Variants in PDILT observed in about 807,000 individuals in gnomAD.
PDILT encodes the protein protein disulfide isomerase like, testis expressed.
PDILT carries 43 observed loss-of-function variants against 53.7 expected under a neutral mutation model. That is an observed-to-expected ratio of 0.80 (90% CI 0.63 to 1.03). The LOEUF (loss-of-function observed/expected upper bound fraction) is 1.03, where lower values mean the gene tolerates loss of function less well. Among genes scored for constraint, PDILT ranks in the 50% least tolerant of loss-of-function variants. The pLI is 0.00. For missense variants in PDILT, 727 were observed against 712.3 expected, an observed-to-expected ratio of 1.02 and a Z score of -0.24; for synonymous variants, 282 against 274.2, an observed-to-expected ratio of 1.03 and a Z score of -0.28.
At chr16:20,369,062 C>T (rs768093647) in intron 8 of PDILT, among the ~76,000 whole-genome samples, 26 of 152,180 alleles carry the variant, frequency 1.7e-4, no homozygotes, top group Non-Finnish European at 3.8e-4. Context: ...CCCATCCAAC[C>T]AAAAGGTCCC....
At chr16:20,368,393 A>C (rs1479461112) in intron 8 of PDILT, among the ~76,000 whole-genome samples, 1 of 151,988 alleles carries the variant, frequency 6.6e-6, no homozygotes, top group Non-Finnish European at 1.5e-5. Context: ...AAAGAAGGAA[A>C]ATGGGTTGGA....
At chr16:20,374,111 CT>C (rs57756898) in intron 5 of PDILT, among the ~76,000 whole-genome samples, 7,241 of 145,942 alleles carry the variant, frequency 0.05, 248 homozygotes, top group Non-Finnish European at 0.074. Context: ...GCTTGAATAA[CT>C]TTTTTTTTTT....
rs887960016 is a variant in PDILT, at chr16:20,370,623, C to A, written c.919-934G>T. ...AGAGGTGTTTAAACCAGAGCAACTT[C>A]ATCTTGAATACAGGCTGGGTAAAAT... On this transcript the variant is annotated intron_variant, in intron 7 of 11. Transcript: ENST00000302451. Among the ~76,000 whole-genome samples the A allele has an allele frequency of 1.6e-4, 25 of 152,298 alleles. No homozygotes were observed. In the South Asian group the frequency reaches 2.5e-3, roughly 15 times the overall value.
intron 9 of PDILT, among the ~76,000 whole-genome samples, chr16:20,363,828 C>T (rs1040259650): frequency 6.6e-6 from 1 of 152,090 alleles, no homozygotes. Context: ...TTCTTGTGGA[C>T]AGTTCTTTGG....
At chr16:20,371,399 C>T (rs1334933156) in intron 7 of PDILT, among the ~76,000 whole-genome samples, 3 of 152,184 alleles carry the variant, frequency 2.0e-5, no homozygotes, top group Admixed American at 2.0e-4. Context: ...TTCATTCATT[C>T]ATCAGAAGAT....
intron 2 of PDILT, among the ~76,000 whole-genome samples, chr16:20,387,891 C>A (rs147814581): frequency 3.3e-5 from 5 of 152,142 alleles, no homozygotes; most frequent in African/African-American, 1.2e-4. Context: ...CTGGATTTCT[C>A]TGAATATTAT....
intron 2 of PDILT, among the ~76,000 whole-genome samples, chr16:20,395,486 G>C (rs1966651307): frequency 6.6e-6 from 1 of 152,192 alleles, no homozygotes; most frequent in African/African-American, 2.4e-5. Flanking sequence ...AAGGATGAGG[G>C]AGTCAGAAAA....
Position 20,372,822 on chromosome 16 carries a change from A to T in PDILT, c.898T>A (p.Ser300Thr). 1 of 1,614,030 alleles carries T rather than the reference A, an allele frequency of 6.2e-7. No homozygotes were observed. The highest frequency in any genetic ancestry group is 8.5e-7 in the Non-Finnish European group (1 of 1,179,928). The change falls in exon 7 of 12, where the codon TCA becomes ACA. Residue 300 changes from serine (S) to threonine (T), a missense_variant. Physicochemically the swap from Ser to Thr is moderately conservative, Grantham distance 58. Transcript: ENST00000302451. ...GIIIQHYKLA[S>T]KEFQNKILFI... ...CAAACCTTGTTTTGGAATTCCTTTG[A>T]TGCCAGCTTATAATGCTGAATTATG... is the stretch of plus-strand genomic sequence containing the variant.
chr16:20,403,772 T>C (rs963323338), intron 1 of PDILT, among the ~76,000 whole-genome samples: 2 of 152,046 alleles, frequency 1.3e-5, no homozygotes, highest in African/African-American at 4.8e-5. Context: ...TCTGACCTTA[T>C]CGCCCTCCTC....
At position 20,399,098 on chromosome 16, in the gene PDILT, C is replaced by A; in HGVS notation, c.202+1G>T. On this transcript the variant is annotated splice_donor_variant, in intron 2 of 11. Coordinates refer to ENST00000302451, the MANE Select transcript of PDILT (RefSeq NM_174924.2). LOFTEE classifies it high-confidence loss of function. ...CCATCACCCAGGATGGGGGCACTCA[C>A]GGAAAAGCACCATGAGGAAGCGGGT... is the stretch of plus-strand genomic sequence containing the variant. 6.2e-7 allele frequency: 1 copy of A among 1,614,130 alleles called. No homozygotes were observed. The highest frequency in any genetic ancestry group is 8.5e-7 in the Non-Finnish European group (1 of 1,179,986).
chr16:20,371,261 A>G (rs1966302659), intron 7 of PDILT, among the ~76,000 whole-genome samples: 1 of 152,174 alleles, frequency 6.6e-6, no homozygotes, highest in Non-Finnish European at 1.5e-5. Context: ...CCACTGAAGG[A>G]TGGTAAGCTA....
In PDILT at chr16:20,372,991, G is replaced by A. The variant is rs538786349; in HGVS notation, c.792+21C>T. ...CAGTGGCCCCAGCTCCCCTTCCTCC[G>A]GGGACCATTTACTCACTGACCTCAG... is the stretch of plus-strand genomic sequence containing the variant. On this transcript the variant is annotated intron_variant, in intron 6 of 11. Transcript: ENST00000302451. The A allele has an allele frequency of 4.3e-5, 70 of 1,613,608 alleles. No homozygotes were observed. The South Asian group carries it at 5.1e-4, about 12-fold the overall frequency.
intron 10 of PDILT, among the ~76,000 whole-genome samples, 176 bp from the exon 11 acceptor site, chr16:20,360,833 G>C (rs1052891597): frequency 6.6e-6 from 1 of 152,198 alleles, no homozygotes; most frequent in Non-Finnish European, 1.5e-5. Context: ...TAATAAAAAT[G>C]CTTCTGACAT....
At chr16:20,360,834 C>T (rs1966089894) in intron 10 of PDILT, among the ~76,000 whole-genome samples, 177 bp from the exon 11 acceptor site, 1 of 152,214 alleles carries the variant, frequency 6.6e-6, no homozygotes, top group Non-Finnish European at 1.5e-5. Context: ...AATAAAAATG[C>T]TTCTGACATA....
intron 8 of PDILT, among the ~76,000 whole-genome samples, chr16:20,368,459 G>A (rs938167610): frequency 2.0e-5 from 3 of 152,170 alleles, no homozygotes; most frequent in Non-Finnish European, 2.9e-5. Context: ...CTGTGCACAC[G>A]AGACAGCTTC....
rs181943849 is a variant in PDILT, at chr16:20,383,411, C to G, written c.409+1234G>C. 9.8e-5 allele frequency among the ~76,000 whole-genome samples: 15 copies of G among 152,298 alleles called. 1 individual carries two copies. The highest frequency in any genetic ancestry group is 3.6e-4 in the African/African-American group (15 of 41,578). ...ATCCCCTGGTATCTATAGGAAACAGCATCCTCTGTTGCTTCTCTCACTGCT... is the reference window on the plus strand; with the variant it reads ...ATCCCCTGGTATCTATAGGAAACAGGATCCTCTGTTGCTTCTCTCACTGCT... On this transcript the variant is annotated intron_variant, in intron 3 of 11. Coordinates refer to ENST00000302451, the MANE Select transcript of PDILT (RefSeq NM_174924.2).
At chr16:20,396,980 C>A (rs576587774) in intron 2 of PDILT, among the ~76,000 whole-genome samples, 62 of 152,310 alleles carry the variant, frequency 4.1e-4, no homozygotes, top group African/African-American at 1.5e-3. Context: ...AATTATTAAC[C>A]TTGTTGTACA....
intron 8 of PDILT, among the ~76,000 whole-genome samples, chr16:20,367,072 TTTC>T (rs1176789087): frequency 7.4e-6 from 1 of 134,288 alleles, no homozygotes; most frequent in East Asian, 2.1e-4. Flanking sequence ...TCTTTCTTTC[TTTC>T]TTTCTTTCTT....
intron 7 of PDILT, among the ~76,000 whole-genome samples, chr16:20,371,128 C>A (rs1460814953): frequency 1.3e-5 from 2 of 152,120 alleles, no homozygotes; most frequent in African/African-American, 4.8e-5. Context: ...GAACCGGACC[C>A]CTTTCCAGTA....
Sources: gnomAD v4.1 joint callset for allele counts (sites outside exome capture counted in the v4.1 genomes callset) on GRCh38, gnomAD v4.1.1 for gene constraint, MANE v1.5 for transcripts, NCBI Gene and HGNC (gene_info 2026-07-23, HGNC 2026-07-21) for gene names.